Variants in ENTPD6 observed in about 807,000 individuals in gnomAD.
The protein encoded by ENTPD6 is ectonucleoside triphosphate diphosphohydrolase 6.
Under a neutral mutation model 61.5 loss-of-function variants are expected in ENTPD6, and 46 were observed. The observed-to-expected ratio is 0.75, with a 90% CI of 0.59 to 0.96. The LOEUF (loss-of-function observed/expected upper bound fraction) is 0.96. Among genes scored for constraint, ENTPD6 ranks in the 40% least tolerant of loss-of-function variants. ENTPD6 has a pLI of 0.00. For missense variants in ENTPD6, 612 were observed against 629.0 expected (o/e 0.97, Z 0.29); for synonymous variants, 252 against 255.5 (o/e 0.99, Z 0.13).
chr20:25,196,110 T>C, intron 1 of ENTPD6: 1 of 1,153,036 alleles, frequency 8.7e-7, no homozygotes, highest in East Asian at 3.2e-5. Context: ...AGCAGGGGCC[T>C]GTAGCCCCAG....
chr20:25,219,078 C>G (rs538691459), intron 10 of ENTPD6, among the ~76,000 whole-genome samples: 1 of 152,244 alleles, frequency 6.6e-6, no homozygotes, highest in East Asian at 1.9e-4. Flanking sequence ...GACGGGGTTT[C>G]ACCATGTTGG....
intron 13 of ENTPD6, 54 bp downstream of exon 13, chr20:25,224,211 G>T (rs887761119): frequency 1.3e-6 from 2 of 1,537,890 alleles, no homozygotes; most frequent in Non-Finnish European, 1.8e-6. Flanking sequence ...CGTGATGCTC[G>T]TGACGCAGGC....
chr20:25,205,528 G>T (rs2091413175), intron 1 of ENTPD6, among the ~76,000 whole-genome samples: 1 of 152,104 alleles, frequency 6.6e-6, no homozygotes, highest in Non-Finnish European at 1.5e-5. Flanking sequence ...ACAGGGGCCG[G>T]CAGGGACAGG....
intron 3 of ENTPD6, among the ~76,000 whole-genome samples, chr20:25,207,792 G>A (rs1367291977): frequency 6.6e-6 from 1 of 152,180 alleles, no homozygotes; most frequent in Non-Finnish European, 1.5e-5. Context: ...AATAATAAAG[G>A]CTCCTGGGCT....
intron 1 of ENTPD6, among the ~76,000 whole-genome samples, chr20:25,202,740 CAT>C (rs1452486190): frequency 6.6e-6 from 1 of 152,216 alleles, no homozygotes; most frequent in Non-Finnish European, 1.5e-5. Flanking sequence ...TACCCATTAA[CAT>C]AAACCTGTAA....
intron 11 of ENTPD6, chr20:25,222,532 C>T: frequency 3.2e-6 from 1 of 309,522 alleles, no homozygotes; most frequent in Non-Finnish European, 6.0e-6. Context: ...CAGATGGTCC[C>T]AACAGGCCAG....
At chr20:25,197,483 G>A (rs6050425) in intron 1 of ENTPD6, among the ~76,000 whole-genome samples, 68,057 of 152,078 alleles carry the variant, frequency 0.45, 16,177 homozygotes, top group East Asian at 0.92. Flanking sequence ...GACTGAGATG[G>A]CATTGTTTTC....
intron 12 of ENTPD6, 88 bp downstream of exon 12, chr20:25,223,066 G>C: frequency 6.7e-7 from 1 of 1,483,512 alleles, no homozygotes; most frequent in South Asian, 1.3e-5. Flanking sequence ...CAGAGGGCTG[G>C]TGGCAGGCAA....
intron 1 of ENTPD6, among the ~76,000 whole-genome samples, chr20:25,201,418 C>G (rs1205269065): frequency 6.6e-6 from 1 of 152,066 alleles, no homozygotes; most frequent in East Asian, 1.9e-4. Flanking sequence ...TTATCAGTGT[C>G]TGGTTCATAT....
intron 10 of ENTPD6, among the ~76,000 whole-genome samples, chr20:25,220,221 C>T (rs537501890): frequency 6.6e-5 from 10 of 152,332 alleles, no homozygotes; most frequent in East Asian, 1.9e-4. Context: ...ACAGCAGTCG[C>T]GGCTGGAATC....
Position 25,209,780 on chromosome 20 carries a change from A to G in ENTPD6, c.377-69A>G, listed in dbSNP as rs980220876. On this transcript the variant is annotated intron_variant, in intron 3 of 14. Coordinates refer to ENST00000376652, the MANE Select transcript of ENTPD6 (RefSeq NM_001247.5). ...GTGTCTGTCTTTAAAAAGTGTGGCT[A>G]GTCATGATTGTATGTGTTCTCCTGT... 20 of 1,326,448 alleles carry G rather than the reference A, an allele frequency of 1.5e-5. No homozygotes were observed. The African/African-American group carries it at 2.9e-4, about 19-fold the overall frequency. The allele number at this position is 1,326,448 out of a possible 1,614,324, so 82.2% of individuals were successfully genotyped here.
intron 10 of ENTPD6, 139 bp downstream of exon 10, chr20:25,218,753 C>T (rs777534755): frequency 2.2e-4 from 194 of 887,562 alleles, no homozygotes; most frequent in African/African-American, 5.7e-4. Context: ...ACTGCTGTCC[C>T]GCTGCATGCT....
chr20:25,214,506 G>A (rs3787077), intron 5 of ENTPD6, among the ~76,000 whole-genome samples: 40,413 of 152,088 alleles, frequency 0.27, 7,353 homozygotes, highest in African/African-American at 0.51. Flanking sequence ...GCCCTTCTAA[G>A]CCCCAGCGGG....
rs2092682044 is a variant in ENTPD6, at chr20:25,222,808, A to G, written c.1046-30A>G. On this transcript the variant is annotated intron_variant, in intron 11 of 14. Coordinates refer to ENST00000376652, the MANE Select transcript of ENTPD6 (RefSeq NM_001247.5). ...TGTGAGGCCTGGGTGCTCGGAGCCC[A>G]CTGACCGCTAGCCTTGTGCTTGTCC... 3 of 1,610,796 alleles carry G rather than the reference A, an allele frequency of 1.9e-6. No individual in the cohort carries two copies. The South Asian group carries it at 3.3e-5, about 18-fold the overall frequency.
intron 1 of ENTPD6, among the ~76,000 whole-genome samples, chr20:25,203,028 A>G (rs186620425): frequency 8.5e-4 from 130 of 152,322 alleles, no homozygotes; most frequent in African/African-American, 3.0e-3. Context: ...TTTGTGAAGG[A>G]CAGTTTTGCT....
intron 2 of ENTPD6, 76 bp downstream of exon 2, chr20:25,206,666 G>A: frequency 9.5e-7 from 1 of 1,048,284 alleles, no homozygotes; most frequent in Non-Finnish European, 1.5e-6. Context: ...CTGAATAGAA[G>A]TATAACTGAG....
At position 25,228,028 on chromosome 20, in the gene ENTPD6, T is replaced by G. The variant is rs768363654; in HGVS notation, c.*2431T>G. Among the ~76,000 whole-genome samples the G allele has an allele frequency of 6.6e-6, 1 of 152,262 alleles. No homozygotes were observed. The highest frequency in any genetic ancestry group is 1.5e-5 in the Non-Finnish European group (1 of 68,044). ...TTCTATAAGATTGTCATCATTTTTT[T>G]GTTAATTGTAGATCTTTATTTATTA... is the stretch of plus-strand genomic sequence containing the variant. On this transcript the variant is annotated 3_prime_UTR_variant, in exon 15 of 15. Transcript: ENST00000376652.
chr20:25,218,524 C>A (rs753034586), intron 9 of ENTPD6, 26 bp from the exon 10 acceptor site: 15 of 1,588,656 alleles, frequency 9.4e-6, no homozygotes, highest in Admixed American at 7.1e-5. Context: ...ATGGCAGCTG[C>A]CCTCACTGAG....
chr20:25,206,295 C>T (rs946961248), intron 1 of ENTPD6, among the ~76,000 whole-genome samples: 7 of 152,248 alleles, frequency 4.6e-5, no homozygotes, highest in Non-Finnish European at 8.8e-5. Context: ...GGCTGATGGA[C>T]GTTCCCCAAG....
Sources: gnomAD v4.1 joint callset for allele counts (sites outside exome capture counted in the v4.1 genomes callset) on GRCh38, gnomAD v4.1.1 for gene constraint, MANE v1.5 for transcripts, NCBI Gene and HGNC (gene_info 2026-07-23, HGNC 2026-07-21) for gene names.